The following SLC25A26 variants were observed in gnomAD, a reference collection of about 807,000 sequenced individuals.
The protein encoded by SLC25A26 is mitochondrial S-adenosylmethionine carrier protein.
A neutral mutation model predicts 37.8 loss-of-function variants in SLC25A26; 36 were observed. The ratio of observed to expected loss-of-function variants is 0.95; its 90% confidence interval spans 0.73 to 1.26. The LOEUF is 1.26. Ranked by LOEUF, SLC25A26 falls within the 50% of genes most tolerant of loss-of-function variation. The pLI is 0.00. For synonymous variants in SLC25A26, 129 were observed against 122.5 expected (o/e 1.05, Z -0.35); for missense variants, 390 against 331.1 (o/e 1.18, Z -1.38).
At chr3:66,211,519 A>C (rs1210233039) in intron 1 of SLC25A26, among the ~76,000 whole-genome samples, 1 of 152,172 alleles carries the variant, frequency 6.6e-6, no homozygotes. Flanking sequence ...GCTTGCACTT[A>C]TTGCTGCCTC....
chr3:66,295,804 G>A (rs1296419183), intron 5 of SLC25A26, among the ~76,000 whole-genome samples: 1 of 151,662 alleles, frequency 6.6e-6, no homozygotes, highest in Non-Finnish European at 1.5e-5. Context: ...GGCCATGTGT[G>A]TGTTTTTAAA....
Position 66,154,399 on chromosome 3 carries a change from T to C in SLC25A26, c.-354+20415T>C, listed in dbSNP as rs2070250133. 1.3e-5 allele frequency among the ~76,000 whole-genome samples: 2 copies of C among 152,104 alleles called. 1 individual carries two copies. ...CTCATTTCTGCAGGGTTGTACGATG[T>C]GTATTATTCTTCCACACTTACTGTC... On this transcript the variant is annotated intron_variant, in intron 1 of 10. Transcript: ENST00000676754.
At chr3:66,325,567 A>G (rs2075816439) in intron 5 of SLC25A26, among the ~76,000 whole-genome samples, 1 of 152,114 alleles carries the variant, frequency 6.6e-6, no homozygotes, top group African/African-American at 2.4e-5. Context: ...AGTTAATGGC[A>G]TTTTCCTGAG....
chr3:66,219,416 A>G (rs1368352767), upstream of SLC25A26, among the ~76,000 whole-genome samples: 1 of 152,234 alleles, frequency 6.6e-6, no homozygotes, highest in African/African-American at 2.4e-5. Flanking sequence ...TAATCAGTTG[A>G]CTTTGAGTTA....
intron 5 of SLC25A26, among the ~76,000 whole-genome samples, chr3:66,282,199 G>GA (rs1276463484): frequency 2.6e-5 from 4 of 151,666 alleles, no homozygotes; most frequent in Non-Finnish European, 4.4e-5. Context: ...TTTCAGTAGA[G>GA]ACGGGGTTTC....
At chr3:66,163,866 TGCCCCAGGGGGATATTTGGAA>T (rs987293659) in intron 1 of SLC25A26, among the ~76,000 whole-genome samples, 6 of 152,210 alleles carry the variant, frequency 3.9e-5, no homozygotes, top group Non-Finnish European at 8.8e-5. Flanking sequence ...GATGATTTTG[TGCCCCAGGGGGATATTTGGAA>T]GTCCCTGGAA....
intron 5 of SLC25A26, among the ~76,000 whole-genome samples, chr3:66,287,521 G>A (rs1408022611): frequency 6.6e-6 from 1 of 152,126 alleles, no homozygotes; most frequent in East Asian, 1.9e-4. Flanking sequence ...TGGATTAGAA[G>A]CTCAGTTCTT....
intron 5 of SLC25A26, among the ~76,000 whole-genome samples, chr3:66,329,065 G>C (rs2075908847): frequency 6.6e-6 from 1 of 152,056 alleles, no homozygotes; most frequent in Non-Finnish European, 1.5e-5. Context: ...ATCACTAAGG[G>C]TTTGCCATTA....
At chr3:66,212,188 C>T (rs967978593) in intron 1 of SLC25A26, among the ~76,000 whole-genome samples, 151,064 of 152,280 alleles carry the variant, frequency 0.99, 74,937 homozygotes, top group East Asian at 1. Context: ...CATAGTTAAC[C>T]GCAGCCTGAA....
chr3:66,290,887 T>A (rs1385351927), intron 5 of SLC25A26, among the ~76,000 whole-genome samples: 1 of 152,234 alleles, frequency 6.6e-6, no homozygotes, highest in Non-Finnish European at 1.5e-5. Flanking sequence ...TCAGAAGGAA[T>A]GGTACCAGCT....
At chr3:66,360,430 T>C (rs1272086583) in intron 6 of SLC25A26, among the ~76,000 whole-genome samples, 2 of 152,154 alleles carry the variant, frequency 1.3e-5, no homozygotes, top group Non-Finnish European at 2.9e-5. Flanking sequence ...GTTACCTTAA[T>C]TGGAGAGGAA....
rs115371318 is a variant in SLC25A26 at position 66,326,084 on chromosome 3, T to C, written c.454-20280T>C. On this transcript the variant is annotated intron_variant, in intron 5 of 9. Coordinates refer to ENST00000354883, the MANE Select transcript of SLC25A26 (RefSeq NM_001379210.1). ...AAGAGAAATGAGGTGCCAAGAAGGA[T>C]CCACAGATTTCTGACACAACCACCT... Among the ~76,000 whole-genome samples the C allele has an allele frequency of 2.5e-3, 388 of 152,268 alleles. 2 individuals are homozygous for C. The highest frequency in any genetic ancestry group is 9.2e-3 in the African/African-American group (381 of 41,572).
At chr3:66,216,563 G>A (rs1035428360), upstream of SLC25A26, among the ~76,000 whole-genome samples, 39 of 151,200 alleles carry the variant, frequency 2.6e-4, no homozygotes, top group African/African-American at 5.3e-4. Context: ...AAACAGTAAC[G>A]GGGCTTGGAA....
chr3:66,355,114 CA>C (rs1350456014), intron 6 of SLC25A26, among the ~76,000 whole-genome samples: 3 of 152,056 alleles, frequency 2.0e-5, no homozygotes, highest in Non-Finnish European at 4.4e-5. Flanking sequence ...CAGTCAGTTC[CA>C]AAAATATCAC....
At chr3:66,156,267 C>T (rs777839528) in intron 1 of SLC25A26, among the ~76,000 whole-genome samples, 3 of 152,170 alleles carry the variant, frequency 2.0e-5, no homozygotes, top group Non-Finnish European at 4.4e-5. Flanking sequence ...GGCACTGTTC[C>T]AGATGCTGGG....
intron 1 of SLC25A26, among the ~76,000 whole-genome samples, chr3:66,188,318 C>A (rs1485031740): frequency 6.6e-6 from 1 of 152,186 alleles, no homozygotes; most frequent in African/African-American, 2.4e-5. Context: ...TTTGTCTCCT[C>A]CAAACCTCAT....
intron 1 of SLC25A26, among the ~76,000 whole-genome samples, chr3:66,211,856 G>A (rs1482724693): frequency 6.6e-6 from 1 of 152,134 alleles, no homozygotes; most frequent in Non-Finnish European, 1.5e-5. Context: ...TAAGCGTACA[G>A]TTCAGTAGCA....
At chr3:66,245,623 T>G (rs1001818408) in intron 3 of SLC25A26, among the ~76,000 whole-genome samples, 8 of 152,236 alleles carry the variant, frequency 5.3e-5, no homozygotes, top group Admixed American at 5.2e-4. Context: ...CATTAAAAAT[T>G]GTGTTATATT....
chr3:66,329,090 A>T (rs932435250), intron 5 of SLC25A26, among the ~76,000 whole-genome samples: 3 of 152,168 alleles, frequency 2.0e-5, no homozygotes, highest in African/African-American at 7.2e-5. Context: ...TCTTACCTTG[A>T]TTTTAAAGAC....
Sources: gnomAD v4.1 joint callset for allele counts (sites outside exome capture counted in the v4.1 genomes callset) on GRCh38, gnomAD v4.1.1 for gene constraint, MANE v1.5 for transcripts, NCBI Gene and HGNC (gene_info 2026-07-23, HGNC 2026-07-21) for gene names.